ADAMTS12: variants seen among roughly 807,000 people sequenced by gnomAD.
ADAMTS12 encodes the protein A disintegrin and metalloproteinase with thrombospondin motifs 12.
ADAMTS12 carries 118 observed loss-of-function variants against 167.8 expected under a neutral mutation model. The ratio of observed to expected loss-of-function variants is 0.70; its 90% CI spans 0.61 to 0.82. The LOEUF is 0.82. Among genes scored for constraint, ADAMTS12 ranks in the 40% least tolerant of loss-of-function variants. The pLI is 0.00. For synonymous variants in ADAMTS12, 704 were observed against 716.9 expected (o/e 0.98, Z 0.29); for missense variants, 1,916 against 1,998.8 (o/e 0.96, Z 0.79).
chr5:33,623,151 T>G (rs1489037369), intron 14 of ADAMTS12, among the ~76,000 whole-genome samples: 1 of 152,116 alleles, frequency 6.6e-6, no homozygotes, highest in Non-Finnish European at 1.5e-5. Flanking sequence ...AGAAGAGAGA[T>G]ATTATTTTTC....
At chr5:33,617,612 T>C (rs768622600) in intron 14 of ADAMTS12, among the ~76,000 whole-genome samples, 1 of 152,176 alleles carries the variant, frequency 6.6e-6, no homozygotes, top group Non-Finnish European at 1.5e-5. Context: ...ATTGATCACA[T>C]GTAATCGAGG....
chr5:33,749,984 T>C (rs148903290), intron 3 of ADAMTS12, among the ~76,000 whole-genome samples: 26 of 152,250 alleles, frequency 1.7e-4, no homozygotes, highest in African/African-American at 5.1e-4. Context: ...CTAGTAACTT[T>C]CTCCACCGTA....
chr5:33,579,424 C>A (rs962121601), intron 18 of ADAMTS12, among the ~76,000 whole-genome samples: 1 of 152,186 alleles, frequency 6.6e-6, no homozygotes, highest in Non-Finnish European at 1.5e-5. Flanking sequence ...TAGATAGTAA[C>A]ATAATAGGAA....
intron 2 of ADAMTS12, among the ~76,000 whole-genome samples, chr5:33,849,009 T>TATATATATGTATTGCATAGCA (rs1749063429): frequency 6.7e-6 from 1 of 149,876 alleles, no homozygotes; most frequent in Admixed American, 6.7e-5. Flanking sequence ...CATAGCAATA[T>TATATATATGTATTGCATAGCA]ATATATATGT....
In ADAMTS12 at chr5:33,630,788, T is replaced by G; in HGVS notation, c.2014A>C (p.Ile672Leu). The stretch of plus-strand genomic sequence containing the variant: ...GGAAACATACCCAATACCTTACATA[T>G]GCCATTAATACAGACATTTCTGCTG... The part of the protein sequence containing the change: ...GNSRNVCING[I>L]CKMVGCDYEI... The change falls in exon 13 of 24, where the codon ATA (isoleucine) becomes CTA (leucine). Residue 672 changes from isoleucine (I) to leucine (L), a missense_variant. Physicochemically the swap from Ile to Leu is conservative, Grantham distance 5. Coordinates refer to ENST00000504830, the MANE Select transcript of ADAMTS12 (RefSeq NM_030955.4). The G allele has an allele frequency of 2.5e-6, 4 of 1,612,786 alleles. No individual in the cohort carries two copies. The highest frequency in any genetic ancestry group is 3.4e-6 in the Non-Finnish European group (4 of 1,178,972).
At chr5:33,839,108 C>T (rs1425514867) in intron 2 of ADAMTS12, among the ~76,000 whole-genome samples, 1 of 152,152 alleles carries the variant, frequency 6.6e-6, no homozygotes, top group East Asian at 1.9e-4. Flanking sequence ...AAAAAAGAGG[C>T]AGAAGAGCGT....
intron 21 of ADAMTS12, among the ~76,000 whole-genome samples, chr5:33,547,514 A>T (rs2111822855): frequency 6.6e-6 from 1 of 152,192 alleles, no homozygotes; most frequent in South Asian, 2.1e-4. Context: ...CATTCCCAGG[A>T]TGGCAGTCAG....
At chr5:33,794,153 A>G (rs1746683130) in intron 2 of ADAMTS12, among the ~76,000 whole-genome samples, 1 of 152,090 alleles carries the variant, frequency 6.6e-6, no homozygotes, top group Non-Finnish European at 1.5e-5. Flanking sequence ...ACTCAGTTCC[A>G]AGTAAAGTCG....
chr5:33,640,031 A>G (rs905249110), intron 11 of ADAMTS12, among the ~76,000 whole-genome samples: 5 of 152,144 alleles, frequency 3.3e-5, no homozygotes, highest in Non-Finnish European at 5.9e-5. Context: ...TATGTCTCCA[A>G]TTCATTTCCA....
chr5:33,755,719 T>C (rs1745144034), intron 2 of ADAMTS12, among the ~76,000 whole-genome samples: 1 of 152,206 alleles, frequency 6.6e-6, no homozygotes, highest in Non-Finnish European at 1.5e-5. Flanking sequence ...AAAAGACACA[T>C]GAAGGCACCC....
intron 2 of ADAMTS12, among the ~76,000 whole-genome samples, chr5:33,826,364 T>A (rs79878667): frequency 6.6e-6 from 1 of 151,840 alleles, no homozygotes; most frequent in South Asian, 2.1e-4. Flanking sequence ...TTAAAAAAAA[T>A]GTTAATAAAA....
At chr5:33,786,953 C>CAAAGGGCTACTCATTT (rs1000724882) in intron 2 of ADAMTS12, among the ~76,000 whole-genome samples, 1 of 152,168 alleles carries the variant, frequency 6.6e-6, no homozygotes, top group Non-Finnish European at 1.5e-5. Flanking sequence ...ATATCAATAG[C>CAAAGGGCTACTCATTT]AAAGGGCTAC....
chr5:33,787,282 A>T (rs1357689762), intron 2 of ADAMTS12, among the ~76,000 whole-genome samples: 1 of 152,174 alleles, frequency 6.6e-6, no homozygotes, highest in Non-Finnish European at 1.5e-5. Flanking sequence ...AAAGCTTCCT[A>T]CGGTTGTTAG....
At chr5:33,709,312 A>G (rs562223826) in intron 3 of ADAMTS12, among the ~76,000 whole-genome samples, 1 of 152,382 alleles carries the variant, frequency 6.6e-6, no homozygotes, top group East Asian at 1.9e-4. Flanking sequence ...TCAAAGACCT[A>G]GAACCAGAAA....
intron 2 of ADAMTS12, among the ~76,000 whole-genome samples, chr5:33,843,922 C>T (rs536119333): frequency 1.2e-4 from 19 of 152,280 alleles, no homozygotes; most frequent in Middle Eastern, 3.4e-3. Context: ...GGACCCCAAA[C>T]GGAGGGACTG....
intron 9 of ADAMTS12, among the ~76,000 whole-genome samples, chr5:33,645,700 A>T (rs1740637446): frequency 6.6e-6 from 1 of 152,116 alleles, no homozygotes. Context: ...TGGAGTTTAT[A>T]CTATCTCAAA....
intron 22 of ADAMTS12, among the ~76,000 whole-genome samples, chr5:33,545,176 C>G (rs925923879): frequency 6.6e-6 from 1 of 152,112 alleles, no homozygotes; most frequent in Non-Finnish European, 1.5e-5. Context: ...AACAAACAAG[C>G]AACCCCATCA....
At chr5:33,616,466 G>T (rs533279178) in intron 14 of ADAMTS12, among the ~76,000 whole-genome samples, 1 of 152,118 alleles carries the variant, frequency 6.6e-6, no homozygotes, top group Non-Finnish European at 1.5e-5. Flanking sequence ...TAGACTTCCT[G>T]AACATTGCAT....
At chr5:33,591,485 T>C (rs979914570) in intron 17 of ADAMTS12, among the ~76,000 whole-genome samples, 1 of 152,212 alleles carries the variant, frequency 6.6e-6, no homozygotes, top group Non-Finnish European at 1.5e-5. Flanking sequence ...CCTAATAGAA[T>C]TTACATTCCA....
Sources: gnomAD v4.1 joint callset for allele counts (sites outside exome capture counted in the v4.1 genomes callset) on GRCh38, gnomAD v4.1.1 for gene constraint, MANE v1.5 for transcripts, NCBI Gene and HGNC (gene_info 2026-07-23, HGNC 2026-07-21) for gene names.